The following ZNF609 variants were observed in gnomAD, a reference collection of about 807,000 sequenced individuals.
ZNF609 encodes the protein zinc finger protein 609.
A neutral mutation model predicts 109.5 loss-of-function variants in ZNF609; 11 were observed. The observed-to-expected ratio is 0.10, with a 90% CI of 0.06 to 0.17. ZNF609 has a LOEUF of 0.17. Among genes scored for constraint, ZNF609 ranks in the 10% least tolerant of loss-of-function variants. The pLI is 1.00. For missense variants in ZNF609, 1,559 were observed against 1,772.4 expected, an observed-to-expected ratio of 0.88 and a Z score of 2.16; for synonymous variants, 646 against 662.0, an observed-to-expected ratio of 0.98 and a Z score of 0.37.
chr15:64,655,117 C>G lies in ZNF609; in HGVS notation c.974-15229C>G, dbSNP rs1302388547. On this transcript the variant is annotated intron_variant, in intron 3 of 9. Transcript: ENST00000326648. ...TCTCAAAAAAAAAAAAAGTATAGCA[C>G]CAAGTTGAGGGGAAAAAAAACAGAA... is the stretch of plus-strand genomic sequence containing the variant. Among the ~76,000 whole-genome samples the G allele has an allele frequency of 2.1e-5, 3 of 142,716 alleles. No homozygotes were observed. The East Asian group carries it at 5.9e-4, about 28-fold the overall frequency. 93.6% of individuals were successfully genotyped at this position (142,716 alleles called of 152,430 possible). A position where few individuals can be genotyped will look rare whatever the true frequency, so the allele number is the denominator to read the frequency against.
At chr15:64,573,346 C>CTTT (rs71133442) in intron 2 of ZNF609, among the ~76,000 whole-genome samples, 22,177 of 72,588 alleles carry the variant, frequency 0.31, 8,943 homozygotes, top group East Asian at 0.7. Flanking sequence ...GCCCAACTTT[C>CTTT]TTTTTTTTTT....
intron 4 of ZNF609, among the ~76,000 whole-genome samples, chr15:64,672,793 G>A (rs1465491860): frequency 6.8e-6 from 1 of 146,640 alleles, no homozygotes; most frequent in Non-Finnish European, 1.5e-5. Flanking sequence ...GTGAAACCCC[G>A]TCTCTACTAA....
intron 1 of ZNF609, among the ~76,000 whole-genome samples, chr15:64,478,479 T>C (rs1023559708): frequency 1.3e-5 from 2 of 152,064 alleles, no homozygotes; most frequent in African/African-American, 2.4e-5. Flanking sequence ...CAAGTGAGTC[T>C]CCTGCCTCAG....
chr15:64,598,744 A>ATG (rs1446490236), intron 2 of ZNF609, among the ~76,000 whole-genome samples: 2 of 13,758 alleles, frequency 1.5e-4, no homozygotes, highest in Non-Finnish European at 2.7e-4. Flanking sequence ...TTGTGTGTGT[A>ATG]TATATATATA....
At chr15:64,469,427 C>CAAAAAA (rs34210041) in intron 1 of ZNF609, among the ~76,000 whole-genome samples, 1 of 73,574 alleles carries the variant, frequency 1.4e-5, no homozygotes, top group Non-Finnish European at 2.5e-5. Context: ...ACCCTATTTC[C>CAAAAAA]AAAAAAAAAA....
rs537448999 is a variant in ZNF609 at position 64,668,039 on chromosome 15, G to A, written c.974-2307G>A. 2.0e-5 allele frequency among the ~76,000 whole-genome samples: 3 copies of A among 152,352 alleles called. No individual in the cohort carries two copies. In the South Asian group the frequency reaches 6.2e-4, roughly 32 times the overall value. ...GAAGTGTGATATCCTAAATTTCACT[G>A]TGGCATAGGCCATTTGAAGACCTGT... On this transcript the variant is annotated intron_variant, in intron 3 of 9. Coordinates refer to ENST00000326648, the MANE Select transcript of ZNF609 (RefSeq NM_015042.2).
chr15:64,576,034 G>A (rs1372202436), intron 2 of ZNF609, among the ~76,000 whole-genome samples: 1 of 152,136 alleles, frequency 6.6e-6, no homozygotes, highest in Non-Finnish European at 1.5e-5. Context: ...CCTGGGAGGC[G>A]GAGCTTGCAG....
At chr15:64,543,255 CTTTTTTT>C (rs77646116) in intron 2 of ZNF609, among the ~76,000 whole-genome samples, 8 of 113,316 alleles carry the variant, frequency 7.1e-5, no homozygotes, top group South Asian at 3.0e-4. Context: ...TTTGTTGTTG[CTTTTTTT>C]TTTTTTTTTT....
chr15:64,520,808 T>G (rs1024758829), intron 2 of ZNF609, among the ~76,000 whole-genome samples: 1 of 152,118 alleles, frequency 6.6e-6, no homozygotes, highest in African/African-American at 2.4e-5. Context: ...AAATTTCTAT[T>G]ACAAGATTTC....
At chr15:64,619,928 T>C (rs766334258) in intron 2 of ZNF609, among the ~76,000 whole-genome samples, 1 of 152,208 alleles carries the variant, frequency 6.6e-6, no homozygotes, top group Non-Finnish European at 1.5e-5. Flanking sequence ...TATTAGCATA[T>C]GTTTCTCCTA....
chr15:64,610,680 G>C (rs1447284243), intron 2 of ZNF609, among the ~76,000 whole-genome samples: 1 of 152,022 alleles, frequency 6.6e-6, no homozygotes, highest in Non-Finnish European at 1.5e-5. Context: ...GAATTTCCAT[G>C]ACCAGAAAGT....
chr15:64,562,694 G>C (rs1044413686), intron 2 of ZNF609, among the ~76,000 whole-genome samples: 1 of 151,048 alleles, frequency 6.6e-6, no homozygotes, highest in African/African-American at 2.4e-5. Context: ...ATAATTTCAT[G>C]ATTGTCGTAA....
intron 3 of ZNF609, among the ~76,000 whole-genome samples, chr15:64,649,169 T>A (rs572674613): frequency 2.6e-5 from 4 of 152,320 alleles, no homozygotes; most frequent in Admixed American, 6.5e-5. Context: ...AGAATTGTTA[T>A]AAATTAAATG....
At chr15:64,519,771 A>T (rs1893864343) in intron 2 of ZNF609, among the ~76,000 whole-genome samples, 1 of 152,188 alleles carries the variant, frequency 6.6e-6, no homozygotes, top group East Asian at 1.9e-4. Flanking sequence ...TTCTAATAGT[A>T]TTAAAGTGAA....
chr15:64,681,158 G>T, intron 8 of ZNF609, 151 bp from the exon 9 acceptor site: 1 of 750,660 alleles, frequency 1.3e-6, no homozygotes, highest in Non-Finnish European at 2.2e-6. Context: ...GAAACAATCA[G>T]CTGAGAAATA....
intron 2 of ZNF609, among the ~76,000 whole-genome samples, chr15:64,533,730 T>C (rs1277702337): frequency 6.6e-6 from 1 of 152,226 alleles, no homozygotes; most frequent in African/African-American, 2.4e-5. Flanking sequence ...TTTATTGAGA[T>C]AACTAGAATC....
At chr15:64,515,938 C>CAAAAA (rs57072582) in intron 2 of ZNF609, among the ~76,000 whole-genome samples, 1 of 74,278 alleles carries the variant, frequency 1.3e-5, no homozygotes, top group African/African-American at 5.2e-5. Context: ...AACTCCGTCT[C>CAAAAA]AAAAAAAAAA....
intron 2 of ZNF609, among the ~76,000 whole-genome samples, chr15:64,512,089 T>A (rs1195740696): frequency 6.6e-6 from 1 of 151,908 alleles, no homozygotes; most frequent in Non-Finnish European, 1.5e-5. Context: ...TGAAAAGGAC[T>A]CTCCTTTTTC....
chr15:64,582,664 G>A (rs979335594), intron 2 of ZNF609, among the ~76,000 whole-genome samples: 3 of 149,780 alleles, frequency 2.0e-5, no homozygotes, highest in Non-Finnish European at 4.4e-5. Flanking sequence ...ACAATCATTA[G>A]CCTTAAGCAA....
Sources: gnomAD v4.1 joint callset for allele counts (sites outside exome capture counted in the v4.1 genomes callset) on GRCh38, gnomAD v4.1.1 for gene constraint, MANE v1.5 for transcripts, NCBI Gene and HGNC (gene_info 2026-07-23, HGNC 2026-07-21) for gene names.